NELFB: variants seen among roughly 807,000 people sequenced by gnomAD.
NELFB encodes the protein negative elongation factor B.
NELFB carries 34 observed loss-of-function variants against 60.2 expected under a neutral mutation model. That is an observed-to-expected ratio of 0.56 (90% CI 0.43 to 0.75). NELFB has a LOEUF of 0.75. NELFB is among the 30% of genes least tolerant of loss of function. NELFB has a pLI of 0.00. For synonymous variants in NELFB, 459 were observed against 382.1 expected, an observed-to-expected ratio of 1.20 and a Z score of -2.35; for missense variants, 770 against 831.6, an observed-to-expected ratio of 0.93 and a Z score of 0.91.
intron 8 of NELFB, 75 bp from the exon 9 acceptor site, chr9:137,266,869 A>G (rs575221525): frequency 1.4e-6 from 2 of 1,396,598 alleles, no homozygotes; most frequent in South Asian, 2.4e-5. Flanking sequence ...GGCCAGGGGC[A>G]GGGTGTGTGT....
At chr9:137,271,438 C>G (rs1160586196) in intron 10 of NELFB, among the ~76,000 whole-genome samples, 2 of 152,274 alleles carry the variant, frequency 1.3e-5, no homozygotes, top group Non-Finnish European at 2.9e-5. Context: ...GGCGGCCGCC[C>G]TCCCTCCCTG....
At chr9:137,268,055 G>T (rs1830541246) in intron 10 of NELFB, among the ~76,000 whole-genome samples, 1 of 151,894 alleles carries the variant, frequency 6.6e-6, no homozygotes, top group African/African-American at 2.4e-5. Context: ...TGCAAGCCAG[G>T]AAGAAGAGGA....
chr9:137,267,361 G>T lies in NELFB; in HGVS notation c.1489+15G>T. The T allele has an allele frequency of 6.3e-7, 1 of 1,587,652 alleles. No individual in the cohort carries two copies. The highest frequency in any genetic ancestry group is 1.8e-5 in the Admixed American group (1 of 56,132). On this transcript the variant is annotated intron_variant, in intron 10 of 12. Coordinates refer to ENST00000343053, the MANE Select transcript of NELFB (RefSeq NM_015456.5). ...GCCCGGGCTGGGTAAGTCCTGACGG[G>T]CGGTGCCTGGCTGTGTCTTCCCTGC...
intron 10 of NELFB, among the ~76,000 whole-genome samples, chr9:137,268,677 C>T (rs949868510): frequency 5.3e-5 from 8 of 152,164 alleles, no homozygotes; most frequent in African/African-American, 1.9e-4. Context: ...GGGCTTTTTG[C>T]TGTGTCATCC....
In NELFB at chr9:137,256,486, G is replaced by T. The variant is rs1837553878; in HGVS notation, c.510+58G>T. 4 of 1,509,722 alleles carry T rather than the reference G, an allele frequency of 2.6e-6. No homozygotes were observed. In the African/African-American group the frequency reaches 4.1e-5, roughly 16 times the overall value. 93.5% of individuals were successfully genotyped at this position (1,509,722 alleles called of 1,614,324 possible). On this transcript the variant is annotated intron_variant, in intron 3 of 12. Coordinates refer to ENST00000343053, the MANE Select transcript of NELFB (RefSeq NM_015456.5). Reference sequence around the variant, plus strand: ...ACCGTCCGCCCACTCTCATGCCCTTGGTTAGTGGAAGTTCCGGTGGCCGCC... The same window carrying T: ...ACCGTCCGCCCACTCTCATGCCCTTTGTTAGTGGAAGTTCCGGTGGCCGCC...
rs779622658 is a variant in NELFB at position 137,264,329 on chromosome 9, G to A, written c.1012G>A (p.Val338Ile). The A allele has an allele frequency of 6.9e-6, 11 of 1,598,308 alleles. No homozygotes were observed. Among genetic ancestry groups the A allele is most frequent in the Middle Eastern group, 1.8e-4 (1 of 5,576 alleles). Reference sequence around the variant, plus strand: ...GGAGCTGCAGGGGTTTCTCGATGGCGTCAAGAAGGGCCAGGAGCAGGTGCT... The same window carrying A: ...GGAGCTGCAGGGGTTTCTCGATGGCATCAAGAAGGGCCAGGAGCAGGTGCT... Residue 338 changes from valine to isoleucine, a missense_variant, in exon 6 of 13, where the codon GTC becomes ATC. Val to Ile is a conservative substitution (Grantham distance 29). Coordinates refer to ENST00000343053, the MANE Select transcript of NELFB (RefSeq NM_015456.5).
Position 137,273,096 on chromosome 9 carries a change from C to CA in NELFB, c.*168_*169insA. 1 of 693,026 alleles carries CA rather than the reference C, an allele frequency of 1.4e-6. No homozygotes were observed. The allele number at this position is 693,026 out of a possible 1,614,324, so 42.9% of individuals were successfully genotyped here. ...GCTTCCTGCTCCTTGGAGCTGGCTC[C>CA]CGGACCTTGCCCACCATCCATGCAG... On this transcript the variant is annotated 3_prime_UTR_variant, in exon 13 of 13. Coordinates refer to ENST00000343053, the MANE Select transcript of NELFB (RefSeq NM_015456.5).
chr9:137,266,486 G>T, intron 8 of NELFB, 60 bp downstream of exon 8: 13 of 1,448,436 alleles, frequency 9.0e-6, no homozygotes, highest in Non-Finnish European at 1.2e-5. Flanking sequence ...CTGGAAGTGG[G>T]GTGGAGGGGG....
At position 137,256,081 on chromosome 9, in the gene NELFB, G is replaced by C. The variant is rs1251254762; in HGVS notation, c.410+11G>C. 1 of 1,611,090 alleles carries C rather than the reference G, an allele frequency of 6.2e-7. No individual in the cohort carries two copies. The highest frequency in any genetic ancestry group is 1.7e-5 in the Admixed American group (1 of 60,018). On this transcript the variant is annotated intron_variant, in intron 2 of 12. Transcript: ENST00000343053. ...GAAGGCTGAGGAAAGGTGGGTCAGC[G>C]GGAGGGGTGGGCAGGTGAGATGTGC...
chr9:137,272,058 G>C lies in NELFB; in HGVS notation c.1490-23G>C, dbSNP rs781416321. The C allele has an allele frequency of 3.1e-6, 5 of 1,613,990 alleles. No homozygotes were observed. In the Admixed American group the frequency reaches 8.3e-5, roughly 27 times the overall value. ...GGGTGGGCAGGGTGAGTGGCACTGG[G>C]CTGATGCCTGCTGTGTCTGCAGTGG... On this transcript the variant is annotated intron_variant, in intron 10 of 12. Coordinates refer to ENST00000343053, the MANE Select transcript of NELFB (RefSeq NM_015456.5).
Position 137,255,373 on chromosome 9 carries a change from A to C in NELFB, c.8A>C (p.Glu3Ala), listed in dbSNP as rs1837532582. 2 of 564,836 alleles carry C rather than the reference A, an allele frequency of 3.5e-6. No individual in the cohort carries two copies. The highest frequency in any genetic ancestry group is 4.0e-5 in the African/African-American group (2 of 49,990). 35.0% of individuals were successfully genotyped at this position (564,836 alleles called of 1,614,324 possible). ...TCGCGCGGCGGGCGGGACCTGGCCG[A>C]GCTGGAGGGCGCCGGGGAGCGGGGC... The change falls in exon 1 of 13, where the codon GAG (glutamate) becomes GCG (alanine). Residue 3 changes from glutamate to alanine, a missense_variant. Coordinates refer to ENST00000343053, the MANE Select transcript of NELFB (RefSeq NM_015456.5).
intron 11 of NELFB, 24 bp from the exon 12 acceptor site, chr9:137,272,483 C>T (rs1193988426): frequency 1.1e-5 from 18 of 1,601,544 alleles, no homozygotes; most frequent in Non-Finnish European, 1.5e-5. Context: ...GCCTCCTGCC[C>T]CAGCCCTGCA....
At chr9:137,263,766 A>G (rs1282486559) in intron 5 of NELFB, among the ~76,000 whole-genome samples, 8 of 151,902 alleles carry the variant, frequency 5.3e-5, no homozygotes, top group African/African-American at 1.9e-4. Flanking sequence ...TGTATGACCT[A>G]CGGGCTGGAC....
Position 137,269,024 on chromosome 9 carries a change from A to G in NELFB, c.1489+1678A>G, listed in dbSNP as rs72765121. Among the ~76,000 whole-genome samples the G allele has an allele frequency of 0.094, 14,266 of 151,984 alleles. 884 individuals carry two copies. Among genetic ancestry groups the G allele is most frequent in the East Asian group, 0.29 (1,516 of 5,154 alleles). Reference sequence around the variant, plus strand: ...ACGCTTTGGTGAGGACGGAGCCCTCACGACCTCAGCAGTGTTGCGTTGGGG... The same window carrying G: ...ACGCTTTGGTGAGGACGGAGCCCTCGCGACCTCAGCAGTGTTGCGTTGGGG... On this transcript the variant is annotated intron_variant, in intron 10 of 12. Transcript: ENST00000343053. This position sits in a 1 kb window ranked among gnomAD's most constrained non-coding sequence, Gnocchi z 5.3.
intron 12 of NELFB, 46 bp downstream of exon 12, chr9:137,272,661 A>G: frequency 6.5e-7 from 1 of 1,545,458 alleles, no homozygotes; most frequent in Non-Finnish European, 8.7e-7. Flanking sequence ...GGTCCCTACC[A>G]GCCCGTGTGT....
At chr9:137,259,411 C>T (rs910012445) in intron 4 of NELFB, among the ~76,000 whole-genome samples, 3 of 152,298 alleles carry the variant, frequency 2.0e-5, no homozygotes, top group Admixed American at 1.3e-4. Context: ...CTCTGTCCTC[C>T]CTTCCCTGTT....
At chr9:137,265,702 A>G (rs1487139457) in intron 6 of NELFB, among the ~76,000 whole-genome samples, 175 bp from the exon 7 acceptor site, 1 of 131,974 alleles carries the variant, frequency 7.6e-6, no homozygotes, top group African/African-American at 2.6e-5. Flanking sequence ...AAGTGCTGGG[A>G]TGACAGGCTG....
chr9:137,256,541 C>T (rs996722646), intron 3 of NELFB, 113 bp downstream of exon 3: 2 of 934,068 alleles, frequency 2.1e-6, no homozygotes, highest in Non-Finnish European at 3.3e-6. Context: ...TGCTGCCTGC[C>T]CAAGTGCTGT....
chr9:137,266,309 G>A (rs780858097), intron 7 of NELFB, 22 bp from the exon 8 acceptor site: 37 of 1,603,406 alleles, frequency 2.3e-5, no homozygotes, highest in South Asian at 1.7e-4. Flanking sequence ...TGGGAGAGGC[G>A]CTGAGCCCGT....
Sources: allele counts gnomAD v4.1 joint callset (sites outside exome capture counted in the v4.1 genomes callset), GRCh38; gene constraint gnomAD v4.1.1; non-coding constraint Gnocchi (gnomAD v3.1); transcripts MANE v1.5; gene names NCBI Gene and HGNC (gene_info 2026-07-23, HGNC 2026-07-21).